Variants in TOX3 observed in about 807,000 individuals in gnomAD.
TOX3 encodes TOX high mobility group box family member 3.
Under a neutral mutation model 64.3 loss-of-function variants are expected in TOX3, and 22 were observed. The ratio of observed to expected loss-of-function variants is 0.34; its 90% CI spans 0.24 to 0.49. The LOEUF is 0.49. TOX3 is among the 20% of genes least tolerant of loss of function. The pLI, the probability that TOX3 is intolerant of heterozygous loss-of-function variation, is 0.99. For synonymous variants in TOX3, 291 were observed against 273.6 expected (o/e 1.06, Z -0.63); for missense variants, 661 against 714.4 (o/e 0.93, Z 0.85).
At position 52,450,365 on chromosome 16, in the gene TOX3, T is replaced by C; in HGVS notation, c.590A>G (p.His197Arg). 6.2e-7 allele frequency: 1 copy of C among 1,613,984 alleles called. No homozygotes were observed. Among genetic ancestry groups the C allele is most frequent in the South Asian group, 1.1e-5 (1 of 91,086 alleles). The change falls in exon 4 of 7, where the codon CAC becomes CGC. Residue 197 changes from histidine (H) to arginine (R), a missense_variant. This residue lies in a region of TOX3 where 259 missense variants were observed against 261.2 expected (regional missense o/e 0.99). Coordinates refer to ENST00000219746, the MANE Select transcript of TOX3 (RefSeq NM_001080430.4). ...GCTTGCTGGAGGTGAAGGAGATGTGTGAGGCATACTGGCACCTCCCAAATT... is the reference window on the plus strand; with the variant it reads ...GCTTGCTGGAGGTGAAGGAGATGTGCGAGGCATACTGGCACCTCCCAAATT... ...GLNLGGASMP[H>R]TSPSPPASKS...
rs538608622 is a variant in TOX3 at position 52,507,064 on chromosome 16, C to T, written c.88-38490G>A. ...AGTTCACATGTAATGTTAAAATGTT[C>T]GGCACTTCACTTCTCAACTGGGGTA... On this transcript the variant is annotated intron_variant, in intron 1 of 6. Coordinates refer to ENST00000219746, the MANE Select transcript of TOX3 (RefSeq NM_001080430.4). 3.3e-5 allele frequency among the ~76,000 whole-genome samples: 5 copies of T among 152,232 alleles called. No homozygotes were observed. In the East Asian group the frequency reaches 7.7e-4, roughly 24 times the overall value.
chr16:52,485,752 A>G (rs1269153779), intron 1 of TOX3, among the ~76,000 whole-genome samples: 1 of 152,170 alleles, frequency 6.6e-6, no homozygotes, highest in East Asian at 1.9e-4. Flanking sequence ...ATGAGAGATG[A>G]TGAGAGCATG....
chr16:52,475,844 C>G (rs1961191518), intron 1 of TOX3, among the ~76,000 whole-genome samples: 1 of 152,198 alleles, frequency 6.6e-6, no homozygotes, highest in East Asian at 1.9e-4. Context: ...ACCCGCTCCC[C>G]ACTCTGGATT....
At chr16:52,484,843 A>G (rs1812443412) in intron 1 of TOX3, among the ~76,000 whole-genome samples, 2 of 152,130 alleles carry the variant, frequency 1.3e-5, no homozygotes, top group African/African-American at 4.8e-5. Flanking sequence ...AGGTTTCTCA[A>G]AGAACTAAAA....
intron 1 of TOX3, chr16:52,519,589 C>CA: frequency 2.2e-6 from 3 of 1,392,648 alleles, no homozygotes; most frequent in South Asian, 1.7e-5. Flanking sequence ...GCTGAGCAGA[C>CA]GAAAAAAAAA....
intron 1 of TOX3, among the ~76,000 whole-genome samples, chr16:52,528,645 C>A (rs1555487995): frequency 6.6e-6 from 1 of 152,102 alleles, no homozygotes; most frequent in Non-Finnish European, 1.5e-5. Context: ...TTGAGTCTAA[C>A]CTTAGATAAG....
intron 2 of TOX3, 118 bp downstream of exon 2, chr16:52,468,391 G>T: frequency 4.9e-6 from 4 of 810,096 alleles, no homozygotes; most frequent in East Asian, 2.8e-5. Context: ...CTCCAAAGTA[G>T]TTACCTTGTG....
At chr16:52,443,648 A>AT (rs1039078377) in intron 6 of TOX3, among the ~76,000 whole-genome samples, 1 of 152,200 alleles carries the variant, frequency 6.6e-6, no homozygotes, top group Non-Finnish European at 1.5e-5. Flanking sequence ...GAAAAAGCTA[A>AT]TTAAATGTTA....
At chr16:52,492,557 GTATATAAATATATATATATATA>G (rs1280830071) in intron 1 of TOX3, among the ~76,000 whole-genome samples, 1 of 51,968 alleles carries the variant, frequency 1.9e-5, no homozygotes, top group Non-Finnish European at 3.5e-5. Context: ...TATATTAGTT[GTATATAAATATATATATATATA>G]TATATATATA....
At chr16:52,492,038 C>A (rs896719360) in intron 1 of TOX3, among the ~76,000 whole-genome samples, 40 of 152,062 alleles carry the variant, frequency 2.6e-4, no homozygotes, top group African/African-American at 8.9e-4. Context: ...GGCCCCTTGA[C>A]ACAACAAAGG....
At chr16:52,521,402 C>T (rs45574235) in intron 1 of TOX3, among the ~76,000 whole-genome samples, 3 of 152,126 alleles carry the variant, frequency 2.0e-5, no homozygotes, top group Non-Finnish European at 4.4e-5. Context: ...GTTCTACCTT[C>T]TCTGCCAGAT....
At chr16:52,498,587 T>A (rs1055130805) in intron 1 of TOX3, among the ~76,000 whole-genome samples, 1 of 151,250 alleles carries the variant, frequency 6.6e-6, no homozygotes, top group Non-Finnish European at 1.5e-5. Context: ...CTTTGTGGGG[T>A]TGGGGGGGGG....
chr16:52,501,497 C>A (rs910867120), intron 1 of TOX3, among the ~76,000 whole-genome samples: 1 of 151,968 alleles, frequency 6.6e-6, no homozygotes, highest in African/African-American at 2.4e-5. Flanking sequence ...CATGGTGAAA[C>A]CCTGTCTACT....
chr16:52,528,099 T>C (rs1962763279), intron 1 of TOX3, among the ~76,000 whole-genome samples: 1 of 152,200 alleles, frequency 6.6e-6, no homozygotes, highest in Non-Finnish European at 1.5e-5. Context: ...TGACCCCAGA[T>C]AGTTCTGTTA....
chr16:52,464,755 A>C (rs183645003), intron 2 of TOX3, among the ~76,000 whole-genome samples: 1 of 152,304 alleles, frequency 6.6e-6, no homozygotes, highest in African/African-American at 2.4e-5. Context: ...ACAATGTTTT[A>C]TATAAGGATT....
intron 1 of TOX3, among the ~76,000 whole-genome samples, chr16:52,523,953 A>C (rs771601789): frequency 6.6e-5 from 10 of 152,246 alleles, no homozygotes; most frequent in Non-Finnish European, 1.2e-4. Flanking sequence ...GAAGAATAAA[A>C]GAACTGTGAA....
intron 1 of TOX3, among the ~76,000 whole-genome samples, chr16:52,504,862 T>C (rs1962118348): frequency 6.6e-6 from 1 of 151,532 alleles, no homozygotes; most frequent in African/African-American, 2.4e-5. Context: ...TGAGATAGAG[T>C]CTTGCTCTGT....
intron 6 of TOX3, among the ~76,000 whole-genome samples, chr16:52,443,248 A>G (rs192567025): frequency 1.4e-4 from 21 of 152,312 alleles, no homozygotes; most frequent in African/African-American, 3.6e-4. Flanking sequence ...CAACATCAGT[A>G]TATCTTCCAG....
At chr16:52,523,880 T>C (rs1962666864) in intron 1 of TOX3, among the ~76,000 whole-genome samples, 1 of 152,228 alleles carries the variant, frequency 6.6e-6, no homozygotes, top group Non-Finnish European at 1.5e-5. Flanking sequence ...ATAGTGAAAA[T>C]GTCAGTCTTT....
Sources: gnomAD v4.1 joint callset for allele counts (sites outside exome capture counted in the v4.1 genomes callset) on GRCh38, gnomAD v4.1.1 for gene constraint, gnomAD v4.1.1 regional missense constraint, MANE v1.5 for transcripts, NCBI Gene and HGNC (gene_info 2026-07-23, HGNC 2026-07-21) for gene names.